The following F12 variants were observed in gnomAD, a reference collection of about 807,000 sequenced individuals.
F12 encodes Hageman factor.
A neutral mutation model predicts 74.8 loss-of-function variants in F12; 70 were observed. The observed-to-expected ratio is 0.94, with a 90% CI of 0.77 to 1.14. The LOEUF (loss-of-function observed/expected upper bound fraction) is 1.14. F12 is among the 50% of genes most tolerant of loss of function. F12 has a pLI of 0.00. For synonymous variants in F12, 373 were observed against 356.4 expected (o/e 1.05, Z -0.52); for missense variants, 811 against 835.7 (o/e 0.97, Z 0.36).
intron 2 of F12, among the ~76,000 whole-genome samples, chr5:177,406,358 A>G (rs17876045): frequency 0.014 from 2,188 of 152,260 alleles, 24 homozygotes; most frequent in Middle Eastern, 0.02. Flanking sequence ...GGGTGGTGGC[A>G]GGTGCCTGTA....
Position 177,404,260 on chromosome 5 carries a change from C to T in F12, c.954G>A (p.Ala318=), listed in dbSNP as rs1003022805. The T allele has an allele frequency of 4.4e-6, 7 of 1,595,138 alleles. No individual in the cohort carries two copies. Among genetic ancestry groups the T allele is most frequent in the Non-Finnish European group, 6.0e-6 (7 of 1,169,772 alleles). ...GCTGAGGCTTCGGCGGTGCCGGCTGCGCGGGCATGAGTGGGACATGAAGCC... is the reference window on the plus strand; with the variant it reads ...GCTGAGGCTTCGGCGGTGCCGGCTGTGCGGGCATGAGTGGGACATGAAGCC... ...SPRLHVPLMP[A]QPAPPKPQPT... is the part of the protein sequence containing the mutation. Residue 318 remains alanine (A), a synonymous_variant, in exon 9 of 14, where the codon GCG becomes GCA. Coordinates refer to ENST00000253496, the MANE Select transcript of F12 (RefSeq NM_000505.4).
rs758462343 is a variant in F12 at position 177,404,184 on chromosome 5, C to T, written c.1018+12G>A. The T allele has an allele frequency of 5.0e-6, 8 of 1,595,254 alleles. No individual in the cohort carries two copies. In the Admixed American group the frequency reaches 1.4e-4, roughly 28 times the overall value. On this transcript the variant is annotated intron_variant, in intron 9 of 13. Coordinates refer to ENST00000253496, the MANE Select transcript of F12 (RefSeq NM_000505.4). ...CCCTCTCGGCTCCTCCTTCCCCCCC[C>T]CACTTCCTAACCTCCCGGGGTCTGG...
At position 177,402,456 on chromosome 5, in the gene F12, C is replaced by G. The variant is rs1456700022; in HGVS notation, c.1684G>C (p.Asp562His). ...LEGGTDACQG[D>H]SGGPLVCEDQ... ...TCACACACCAGCGGGCCTCCGGAAT[C>G]ACCCTGGGTCGGAAACACGCAGCTC... is the stretch of plus-strand genomic sequence containing the variant. Residue 562 changes from aspartate (D) to histidine (H), a missense_variant, in exon 14 of 14, where the codon GAT becomes CAT. By Grantham distance (81) the Asp-to-His change is moderately conservative. Coordinates refer to ENST00000253496, the MANE Select transcript of F12 (RefSeq NM_000505.4). The G allele has an allele frequency of 6.2e-7, 1 of 1,605,464 alleles. No individual in the cohort carries two copies. The highest frequency in any genetic ancestry group is 1.7e-5 in the Admixed American group (1 of 58,944).
At chr5:177,403,038 T>C (rs1763179092) in intron 12 of F12, among the ~76,000 whole-genome samples, 1 of 152,188 alleles carries the variant, frequency 6.6e-6, no homozygotes, top group East Asian at 1.9e-4. Flanking sequence ...GCAAGTTCGA[T>C]TCTCCCTGTA....
rs747726864 is a variant in F12 at position 177,403,629 on chromosome 5, G to T, written c.1251-12C>A. Reference sequence around the variant, plus strand: ...CCTCGGGTGCGGGCCTGCGGGGGGGGTAGGGGAGAGGCAGCGCTCTCAGAC... The same window carrying T: ...CCTCGGGTGCGGGCCTGCGGGGGGGTTAGGGGAGAGGCAGCGCTCTCAGAC... On this transcript the variant is annotated splice_polypyrimidine_tract_variant and intron_variant, in intron 10 of 13. Transcript: ENST00000253496. 3.1e-6 allele frequency: 5 copies of T among 1,600,184 alleles called. No individual in the cohort carries two copies. The African/African-American group carries it at 4.0e-5, about 13-fold the overall frequency.
intron 2 of F12, among the ~76,000 whole-genome samples, chr5:177,407,275 A>G (rs1284759058): frequency 6.6e-6 from 1 of 152,262 alleles, no homozygotes; most frequent in African/African-American, 2.4e-5. Flanking sequence ...TTTATAGAAC[A>G]TAACCATCGC....
chr5:177,406,169 G>A, intron 2 of F12, 108 bp from the exon 3 acceptor site: 3 of 1,044,452 alleles, frequency 2.9e-6, no homozygotes, highest in Non-Finnish European at 3.0e-6. Context: ...AGGTCGCTGT[G>A]CATTGAAAAC....
intron 2 of F12, among the ~76,000 whole-genome samples, chr5:177,408,827 C>A (rs563981823): frequency 1.3e-5 from 2 of 152,350 alleles, no homozygotes; most frequent in East Asian, 3.9e-4. Context: ...GCGCCAGCAG[C>A]ACATATCTCA....
intron 1 of F12, 90 bp from the exon 2 acceptor site, chr5:177,409,193 A>T (rs1763351668): frequency 1.5e-6 from 2 of 1,346,332 alleles, no homozygotes; most frequent in Non-Finnish European, 2.1e-6. Context: ...CTCACAGCCC[A>T]GAAATGCAGA....
Position 177,405,731 on chromosome 5 carries a change from G to C in F12, c.286+4C>G, listed in dbSNP as rs773861654. The C allele has an allele frequency of 6.2e-7, 1 of 1,614,004 alleles. No homozygotes were observed. Among genetic ancestry groups the C allele is most frequent in the African/African-American group, 1.3e-5 (1 of 74,910 alleles). On this transcript the variant is annotated splice_donor_region_variant and intron_variant, in intron 4 of 13. Coordinates refer to ENST00000253496, the MANE Select transcript of F12 (RefSeq NM_000505.4). ...CAGGCCACCCCAGAGGCTGTGTGTA[G>C]CACCTTTCACTTTCTTGGGCTCCAA...
intron 2 of F12, among the ~76,000 whole-genome samples, chr5:177,406,428 G>A (rs1314338264): frequency 1.3e-5 from 2 of 152,092 alleles, no homozygotes; most frequent in Admixed American, 6.5e-5. Context: ...GGCGGAGCTT[G>A]CAGTGAGCCG....
At chr5:177,409,306 G>C (rs1229003391) in intron 1 of F12, among the ~76,000 whole-genome samples, 165 bp downstream of exon 1, 1 of 152,064 alleles carries the variant, frequency 6.6e-6, no homozygotes, top group African/African-American at 2.4e-5. Context: ...CACCCAGTCT[G>C]GTTGTCTGTC....
intron 6 of F12, 69 bp downstream of exon 6, chr5:177,404,985 A>C (rs2127360537): frequency 6.3e-7 from 1 of 1,590,438 alleles, no homozygotes; most frequent in South Asian, 1.1e-5. Context: ...TTCCTGGCAC[A>C]CCACCCGGCC....
intron 9 of F12, 37 bp from the exon 10 acceptor site, chr5:177,404,127 G>A: frequency 6.3e-7 from 1 of 1,587,288 alleles, no homozygotes; most frequent in Non-Finnish European, 8.6e-7. Context: ...GAGAGCCCGC[G>A]GCCGGCTGGC....
intron 12 of F12, 52 bp from the exon 13 acceptor site, chr5:177,402,750 C>G (rs748181952): frequency 1.9e-6 from 3 of 1,600,436 alleles, no homozygotes; most frequent in South Asian, 2.2e-5. Context: ...GCTTGCCGCC[C>G]GGACGATGGA....
intron 2 of F12, among the ~76,000 whole-genome samples, chr5:177,406,492 GAA>G (rs76786042): frequency 7.1e-5 from 10 of 141,804 alleles, no homozygotes; most frequent in African/African-American, 1.8e-4. Flanking sequence ...CCATCTTAAA[GAA>G]AAAAAAAAAA....
In F12 at chr5:177,402,620, A is replaced by G. The variant is rs1561639563; in HGVS notation, c.1610T>C (p.Val537Ala). ...LSLERCSAPD[V>A]HGSSILPGML... ...GCCGGGGAGGATGGAGGATCCGTGC[A>G]CGTCCGGGGCTGAGCAGCGCTCCAG... The change falls in exon 13 of 14, where the codon GTG (valine) becomes GCG (alanine). Residue 537 changes from valine (V) to alanine (A), a missense_variant. Physicochemically the swap from Val to Ala is moderately conservative, Grantham distance 64 (BLOSUM62 0). Coordinates refer to ENST00000253496, the MANE Select transcript of F12 (RefSeq NM_000505.4). 1 of 1,613,138 alleles carries G rather than the reference A, an allele frequency of 6.2e-7. No homozygotes were observed. The highest frequency in any genetic ancestry group is 1.7e-5 in the Admixed American group (1 of 60,028).
rs1325983734 is a variant in F12, at chr5:177,402,683, G to A, written c.1547C>T (p.Ala516Val). The change falls in exon 13 of 14, where the codon GCC becomes GTC. Residue 516 changes from alanine to valine, a missense_variant. Transcript: ENST00000253496. ...TACCTGCGCCTCCTGCAGGAAGCTG[G>A]CATATTCCTCCGCCCCTGCGAACAC... ...GHQFEGAEEY[A>V]SFLQEAQVPF... The A allele has an allele frequency of 6.2e-7, 1 of 1,611,916 alleles. No individual in the cohort carries two copies. The highest frequency in any genetic ancestry group is 1.3e-5 in the African/African-American group (1 of 75,024).
Position 177,403,992 on chromosome 5 carries a change from C to T in F12, c.1117G>A (p.Val373Ile), listed in dbSNP as rs1023125266. 13 of 1,602,916 alleles carry T rather than the reference C, an allele frequency of 8.1e-6. No individual in the cohort carries two copies. Among genetic ancestry groups the T allele is most frequent in the Non-Finnish European group, 1.0e-5 (12 of 1,179,636 alleles). Residue 373 changes from valine to isoleucine, a missense_variant, in exon 10 of 14, where the codon GTC becomes ATC. Transcript: ENST00000253496. ...LRKSLSSMTR[V>I]VGGLVALRGA... ...CGTAGCGCCACCAGCCCGCCAACGA[C>T]GCGGGTCATCGAAGACAGACTCTTG...
Sources: allele counts gnomAD v4.1 joint callset (sites outside exome capture counted in the v4.1 genomes callset), GRCh38; gene constraint gnomAD v4.1.1; transcripts MANE v1.5; gene names NCBI Gene and HGNC (gene_info 2026-07-23, HGNC 2026-07-21).